The following HDAC9 variants were observed in gnomAD, a reference collection of about 807,000 sequenced individuals.
The protein encoded by HDAC9 is histone deacetylase 9.
Under a neutral mutation model 139.4 loss-of-function variants are expected in HDAC9, and 41 were observed. The observed-to-expected ratio is 0.29, with a 90% CI of 0.23 to 0.38. The LOEUF is 0.38. HDAC9 is among the 10% of genes least tolerant of loss of function. The probability of loss-of-function intolerance (pLI) is 1.00; values close to 1 mark genes in which losing one functional copy is unlikely to be tolerated. For synonymous variants in HDAC9, 517 were observed against 476.2 expected, an observed-to-expected ratio of 1.09 and a Z score of -1.12; for missense variants, 1,147 against 1,297.0, an observed-to-expected ratio of 0.88 and a Z score of 1.78.
At chr7:18,542,122 A>G (rs1214952203) in intron 2 of HDAC9, among the ~76,000 whole-genome samples, 1 of 152,156 alleles carries the variant, frequency 6.6e-6, no homozygotes, top group African/African-American at 2.4e-5. Context: ...AGTTGCCATA[A>G]GACCCCGGGG....
chr7:18,564,045 C>T (rs2128717946), intron 2 of HDAC9, among the ~76,000 whole-genome samples: 1 of 152,134 alleles, frequency 6.6e-6, no homozygotes, highest in East Asian at 1.9e-4. Flanking sequence ...CCATGTTGGC[C>T]AGGATGGTCT....
intron 11 of HDAC9, among the ~76,000 whole-genome samples, chr7:18,652,777 A>G (rs923086823): frequency 6.6e-6 from 1 of 152,166 alleles, no homozygotes; most frequent in Non-Finnish European, 1.5e-5. Context: ...AAGAAAATTC[A>G]TACTTTGTTT....
intron 1 of HDAC9, among the ~76,000 whole-genome samples, chr7:18,385,620 G>C (rs1785848864): frequency 6.6e-6 from 1 of 152,048 alleles, no homozygotes; most frequent in Non-Finnish European, 1.5e-5. Flanking sequence ...ACTAAAATAA[G>C]GGCCATAGTC....
At chr7:18,360,817 T>C (rs935021122) in intron 1 of HDAC9, among the ~76,000 whole-genome samples, 1 of 152,244 alleles carries the variant, frequency 6.6e-6, no homozygotes, top group Non-Finnish European at 1.5e-5. Context: ...TTACTTTCAG[T>C]GTCTAGAGCA....
intron 1 of HDAC9, among the ~76,000 whole-genome samples, chr7:18,151,054 CAT>C (rs964681736): frequency 1.3e-5 from 2 of 151,866 alleles, no homozygotes; most frequent in African/African-American, 4.8e-5. Flanking sequence ...TTAATACATG[CAT>C]ATATATATGC....
rs865877781 is a variant in HDAC9, at chr7:18,730,762, C to A, written c.1909+3005C>A. 2.6e-5 allele frequency among the ~76,000 whole-genome samples: 4 copies of A among 152,260 alleles called. No homozygotes were observed. The South Asian group carries it at 6.2e-4, about 24-fold the overall frequency. ...ATCACAACTTCAGGGATAGAAGATT[C>A]CTTCTTACTGTAGAGCTTAGCAACT... On this transcript the variant is annotated intron_variant, in intron 13 of 25. Coordinates refer to ENST00000686413, the MANE Select transcript of HDAC9 (RefSeq NM_178425.4).
At chr7:18,602,026 G>A (rs1448252065) in intron 6 of HDAC9, among the ~76,000 whole-genome samples, 3 of 152,122 alleles carry the variant, frequency 2.0e-5, no homozygotes, top group Non-Finnish European at 4.4e-5. Flanking sequence ...GAAGAGATTA[G>A]AGTATTGATA....
intron 1 of HDAC9, among the ~76,000 whole-genome samples, chr7:18,421,827 T>A (rs1789646695): frequency 6.6e-6 from 1 of 152,184 alleles, no homozygotes; most frequent in South Asian, 2.1e-4. Context: ...AACAGTCTCT[T>A]GTAAGGACAG....
Position 18,442,708 on chromosome 7 carries a change from G to A in HDAC9, c.-41-53554G>A, listed in dbSNP as rs140177709. On this transcript the variant is annotated intron_variant, in intron 1 of 3. Coordinates refer to the HDAC9 transcript ENST00000413509. ...TCTTACTACTTTACAATATCTATTTGTAATTCTTTAGACTCTAGTGTCATG... is the reference window on the plus strand; with the variant it reads ...TCTTACTACTTTACAATATCTATTTATAATTCTTTAGACTCTAGTGTCATG... Among the ~76,000 whole-genome samples the A allele has an allele frequency of 1.9e-3, 292 of 152,212 alleles. 2 individuals carry two copies. Among genetic ancestry groups the A allele is most frequent in the African/African-American group, 5.7e-3 (237 of 41,530 alleles).
chr7:18,839,378 T>C (rs1479068488), intron 21 of HDAC9, among the ~76,000 whole-genome samples: 1 of 152,082 alleles, frequency 6.6e-6, no homozygotes, highest in Non-Finnish European at 1.5e-5. Flanking sequence ...CTTCTGTTTA[T>C]GACTTAAAAT....
intron 24 of HDAC9, among the ~76,000 whole-genome samples, chr7:18,963,199 C>A (rs1783635858): frequency 6.6e-6 from 1 of 152,022 alleles, no homozygotes; most frequent in Admixed American, 6.6e-5. Flanking sequence ...GAGCAGTAAG[C>A]AACACAAAAA....
At chr7:18,474,935 A>G (rs1305709706) in intron 1 of HDAC9, among the ~76,000 whole-genome samples, 1 of 152,238 alleles carries the variant, frequency 6.6e-6, no homozygotes, top group Non-Finnish European at 1.5e-5. Flanking sequence ...GACACCTTGT[A>G]TGGATGTTGC....
At chr7:18,675,627 A>C (rs546367054) in intron 12 of HDAC9, among the ~76,000 whole-genome samples, 2 of 152,158 alleles carry the variant, frequency 1.3e-5, no homozygotes, top group Non-Finnish European at 2.9e-5. Context: ...TCTCTTCTGT[A>C]ATCAAAAAAA....
chr7:18,952,817 G>GT (rs11410404), intron 23 of HDAC9, among the ~76,000 whole-genome samples: 58,959 of 141,730 alleles, frequency 0.42, 12,118 homozygotes, highest in Non-Finnish European at 0.47. Flanking sequence ...TGGTGGTGAT[G>GT]TTTTTTTTTT....
At chr7:18,146,724 C>T (rs907012649) in intron 1 of HDAC9, among the ~76,000 whole-genome samples, 1 of 151,950 alleles carries the variant, frequency 6.6e-6, no homozygotes, top group Admixed American at 6.6e-5. Flanking sequence ...AATTTGGTTC[C>T]AGTATTTTAA....
intron 21 of HDAC9, among the ~76,000 whole-genome samples, chr7:18,848,040 C>T (rs1797025576): frequency 6.6e-6 from 1 of 152,132 alleles, no homozygotes; most frequent in South Asian, 2.1e-4. Context: ...AACCATTTAT[C>T]CAATACTCTT....
chr7:18,884,247 T>C (rs13224263), intron 22 of HDAC9, among the ~76,000 whole-genome samples: 6,164 of 152,228 alleles, frequency 0.04, 295 homozygotes, highest in African/African-American at 0.11. Context: ...CTAAGCAATC[T>C]TGATCAAAAA....
At chr7:18,836,451 A>G (rs1796244116) in intron 21 of HDAC9, among the ~76,000 whole-genome samples, 3 of 152,274 alleles carry the variant, frequency 2.0e-5, no homozygotes, top group Admixed American at 2.0e-4. Flanking sequence ...TTTTCATGAC[A>G]TTGGCCAAGG....
At chr7:18,396,154 G>C (rs540151590) in intron 1 of HDAC9, among the ~76,000 whole-genome samples, 12 of 69,848 alleles carry the variant, frequency 1.7e-4, no homozygotes, top group African/African-American at 5.6e-4. Flanking sequence ...TTCTTTCCTT[G>C]TTTCCTTCTT....
Sources: allele counts gnomAD v4.1 joint callset (sites outside exome capture counted in the v4.1 genomes callset), GRCh38; gene constraint gnomAD v4.1.1; transcripts MANE v1.5; gene names NCBI Gene and HGNC (gene_info 2026-07-23, HGNC 2026-07-21).